DOCK4: variants seen among roughly 807,000 people sequenced by gnomAD.
The protein encoded by DOCK4 is dedicator of cytokinesis protein 4.
Under a neutral mutation model 268.1 loss-of-function variants are expected in DOCK4, and 97 were observed. The observed-to-expected ratio is 0.36, with a 90% CI of 0.31 to 0.43. DOCK4 has a LOEUF of 0.43. Ranked by LOEUF, DOCK4 falls within the 20% of genes least tolerant of loss-of-function variation. The pLI is 1.00. For synonymous variants in DOCK4, 954 were observed against 887.2 expected, an observed-to-expected ratio of 1.08 and a Z score of -1.34; for missense variants, 2,145 against 2,455.7, an observed-to-expected ratio of 0.87 and a Z score of 2.67.
At position 112,180,199 on chromosome 7, in the gene DOCK4, C is replaced by T. The variant is rs118016747; in HGVS notation, c.37+25903G>A. 3.9e-4 allele frequency among the ~76,000 whole-genome samples: 60 copies of T among 151,996 alleles called. No homozygotes were observed. The East Asian group carries it at 0.011, about 29-fold the overall frequency. ...CACTAAGCATATGGTAGGGCAGAGG[C>T]AGAACCAGACAAGGAAGGAGGTAGC... On this transcript the variant is annotated intron_variant, in intron 1 of 52. Coordinates refer to ENST00000428084, the MANE Select transcript of DOCK4 (RefSeq NM_001363540.2).
intron 5 of DOCK4, among the ~76,000 whole-genome samples, chr7:111,989,427 T>C (rs1377427657): frequency 6.6e-6 from 1 of 152,220 alleles, no homozygotes; most frequent in Admixed American, 6.5e-5. Flanking sequence ...TTTATTTATT[T>C]ATTTTTTAAA....
intron 1 of DOCK4, among the ~76,000 whole-genome samples, chr7:112,145,484 A>C (rs1169964732): frequency 1.3e-5 from 2 of 152,214 alleles, no homozygotes; most frequent in Non-Finnish European, 2.9e-5. Flanking sequence ...CAGTAATGCA[A>C]TATTATATAT....
At chr7:111,872,673 C>A in intron 17 of DOCK4, 109 bp from the exon 18 acceptor site, 1 of 830,040 alleles carries the variant, frequency 1.2e-6, no homozygotes, top group South Asian at 1.9e-5. Context: ...CTCCCCTCTC[C>A]TAGCCACTCA....
chr7:112,169,041 C>G (rs1239711268), intron 1 of DOCK4, among the ~76,000 whole-genome samples: 1 of 152,108 alleles, frequency 6.6e-6, no homozygotes, highest in Non-Finnish European at 1.5e-5. Flanking sequence ...GGAGGAGGGC[C>G]CTAGTGGGAG....
At chr7:111,963,013 T>A (rs1290073962) in intron 8 of DOCK4, among the ~76,000 whole-genome samples, 1 of 152,182 alleles carries the variant, frequency 6.6e-6, no homozygotes, top group East Asian at 1.9e-4. Flanking sequence ...ACTCAGGTCA[T>A]ATGAAATATA....
chr7:111,804,634 C>G (rs1265683952), intron 30 of DOCK4, among the ~76,000 whole-genome samples: 8 of 151,934 alleles, frequency 5.3e-5, no homozygotes. Flanking sequence ...GAGTCTCGCT[C>G]TGTCCCCCAT....
chr7:111,996,595 G>A (rs1001738979), intron 4 of DOCK4, among the ~76,000 whole-genome samples: 1 of 152,172 alleles, frequency 6.6e-6, no homozygotes, highest in African/African-American at 2.4e-5. Context: ...CCTAGGGTCT[G>A]AGTCAATTCC....
At chr7:111,838,736 C>T (rs972232949) in intron 25 of DOCK4, among the ~76,000 whole-genome samples, 3 of 151,914 alleles carry the variant, frequency 2.0e-5, no homozygotes, top group African/African-American at 7.3e-5. Flanking sequence ...GAGAGGGAAC[C>T]GAGAGGGGCA....
In DOCK4 at chr7:111,728,117, T is replaced by TAATA. The variant is rs1214917266; in HGVS notation, c.*153_*156dup. On this transcript the variant is annotated 3_prime_UTR_variant, in exon 53 of 53. Transcript: ENST00000428084. ...TCTGGCGTTTTAGATCAGCAACTTTTAATATTGTGCAACATGATATTTAAT... is the reference window on the plus strand; with the variant it reads ...TCTGGCGTTTTAGATCAGCAACTTTTAATAAATATTGTGCAACATGATATTTAAT... 1 of 531,436 alleles carries TAATA rather than the reference T, an allele frequency of 1.9e-6. No individual in the cohort carries two copies. The highest frequency in any genetic ancestry group is 3.4e-5 in the East Asian group (1 of 29,156). The allele number at this position is 531,436 out of a possible 1,614,324, so 32.9% of individuals were successfully genotyped here.
chr7:111,902,444 G>T (rs954430845), intron 13 of DOCK4, among the ~76,000 whole-genome samples: 1 of 152,036 alleles, frequency 6.6e-6, no homozygotes. Flanking sequence ...ATATACTGTC[G>T]ATTTTTTCTC....
intron 1 of DOCK4, among the ~76,000 whole-genome samples, chr7:112,054,546 G>T (rs955544723): frequency 6.6e-6 from 1 of 151,136 alleles, no homozygotes; most frequent in African/African-American, 2.5e-5. Context: ...TCTAAACCAA[G>T]CTCTGAACTA....
intron 1 of DOCK4, among the ~76,000 whole-genome samples, chr7:112,006,846 T>G (rs1469578522): frequency 2.0e-5 from 3 of 152,194 alleles, no homozygotes. Context: ...GCTCTCAGCA[T>G]CTCATGAGGC....
chr7:112,132,093 T>G (rs1813860767), intron 1 of DOCK4, among the ~76,000 whole-genome samples: 1 of 152,038 alleles, frequency 6.6e-6, no homozygotes, highest in Admixed American at 6.6e-5. Context: ...GGGGTGGGAG[T>G]TTGGCAGCCC....
At chr7:112,184,781 C>T (rs1050099720) in intron 1 of DOCK4, among the ~76,000 whole-genome samples, 1 of 143,098 alleles carries the variant, frequency 7.0e-6, no homozygotes, top group Non-Finnish European at 1.5e-5. Flanking sequence ...TGTGTGACCC[C>T]TACAATCCCC....
At chr7:111,952,240 G>A (rs942436092) in intron 8 of DOCK4, among the ~76,000 whole-genome samples, 1 of 152,284 alleles carries the variant, frequency 6.6e-6, no homozygotes, top group Admixed American at 6.5e-5. Flanking sequence ...ATATTCTGAT[G>A]TACTCAAAAA....
At chr7:112,010,496 G>A (rs1801203426) in intron 1 of DOCK4, among the ~76,000 whole-genome samples, 1 of 152,206 alleles carries the variant, frequency 6.6e-6, no homozygotes, top group Admixed American at 6.5e-5. Context: ...AGGACTACGT[G>A]GAGATGAAGT....
chr7:111,861,942 A>T (rs923996821), intron 23 of DOCK4, among the ~76,000 whole-genome samples: 1 of 152,082 alleles, frequency 6.6e-6, no homozygotes, highest in African/African-American at 2.4e-5. Flanking sequence ...GGAAATTTCT[A>T]TGAAGGAAAT....
Position 111,728,316 on chromosome 7 carries a change from G to C in DOCK4, c.5886C>G (p.Gly1962=). 6.6e-7 allele frequency: 1 copy of C among 1,512,550 alleles called. No individual in the cohort carries two copies. 93.7% of individuals were successfully genotyped at this position (1,512,550 alleles called of 1,614,324 possible). The stretch of plus-strand genomic sequence containing the variant: ...TGCGGGGCAGGGGCCTGGGCCGCGG[G>C]CCGGGGTCAGTCCTCCGGGCCCCAT... ...LENGARRTDP[G]PRPRPLPRKV... Residue 1962 remains glycine, a synonymous_variant, in exon 53 of 53, where the codon GGC becomes GGG. Transcript: ENST00000428084.
At chr7:111,859,022 C>T (rs2134161488) in intron 23 of DOCK4, among the ~76,000 whole-genome samples, 1 of 152,212 alleles carries the variant, frequency 6.6e-6, no homozygotes, top group South Asian at 2.1e-4. Context: ...GTACTCTTTG[C>T]TCCCCCCTTT....
Sources: gnomAD v4.1 joint callset for allele counts (sites outside exome capture counted in the v4.1 genomes callset) on GRCh38, gnomAD v4.1.1 for gene constraint, MANE v1.5 for transcripts, NCBI Gene and HGNC (gene_info 2026-07-23, HGNC 2026-07-21) for gene names.